Variants in LHPP observed in about 807,000 individuals in gnomAD.
LHPP encodes phospholysine phosphohistidine inorganic pyrophosphate phosphatase, also known as hLHPP.
A neutral mutation model predicts 30.3 loss-of-function variants in LHPP; 24 were observed. That is an observed-to-expected ratio of 0.79 (90% CI 0.57 to 1.11). The LOEUF (loss-of-function observed/expected upper bound fraction) is 1.11, where lower values mean the gene tolerates loss of function less well. Ranked by LOEUF, LHPP falls within the 50% of genes most tolerant of loss-of-function variation. LHPP has a pLI of 0.00. For synonymous variants in LHPP, 150 were observed against 157.1 expected (o/e 0.95, Z 0.34); for missense variants, 356 against 367.2 (o/e 0.97, Z 0.25).
intron 6 of LHPP, among the ~76,000 whole-genome samples, chr10:124,574,318 G>T (rs1306745829): frequency 6.6e-6 from 1 of 152,176 alleles, no homozygotes; most frequent in East Asian, 1.9e-4. Context: ...GCCAGCAGCA[G>T]GCTCGCCCCC....
rs1952435067 is a variant in LHPP at position 124,462,545 on chromosome 10, T to C, written c.125+558T>C. ...AGGAGGTCAAGGCTACAGTGAGCTG[T>C]GATCACCCCACTGTACTCTAGCCTG... is the stretch of plus-strand genomic sequence containing the variant. On this transcript the variant is annotated intron_variant, in intron 1 of 6. Transcript: ENST00000368842. Among the ~76,000 whole-genome samples the C allele has an allele frequency of 1.3e-5, 2 of 152,088 alleles. 1 individual carries two copies. Among genetic ancestry groups the C allele is most frequent in the South Asian group, 4.1e-4 (2 of 4,822 alleles).
rs566042585 is a variant in LHPP at position 124,590,719 on chromosome 10, C to T, written c.717-22545C>T. ...GAGACACGGTGGGCACCAGCCCCAGCGCTGCCACCTGCCTGCCTCCTCTGC... is the reference window on the plus strand; with the variant it reads ...GAGACACGGTGGGCACCAGCCCCAGTGCTGCCACCTGCCTGCCTCCTCTGC... On this transcript the variant is annotated intron_variant, in intron 6 of 6. Coordinates refer to ENST00000368842, the MANE Select transcript of LHPP (RefSeq NM_022126.4). The surrounding 1 kb of genome is among the most constrained non-coding windows in gnomAD (Gnocchi z 4.3). Among the ~76,000 whole-genome samples the T allele has an allele frequency of 3.3e-5, 5 of 152,350 alleles. No individual in the cohort carries two copies. The highest frequency in any genetic ancestry group is 6.5e-5 in the Admixed American group (1 of 15,308).
At chr10:124,542,464 T>A (rs11245274) in intron 6 of LHPP, among the ~76,000 whole-genome samples, 1 of 152,064 alleles carries the variant, frequency 6.6e-6, no homozygotes, top group Non-Finnish European at 1.5e-5. Context: ...CCAGCCTGTG[T>A]GCTCAGGTCC....
chr10:124,570,723 A>G (rs1027040035), intron 6 of LHPP, among the ~76,000 whole-genome samples: 2 of 152,162 alleles, frequency 1.3e-5, no homozygotes, highest in Non-Finnish European at 2.9e-5. Flanking sequence ...CAGACGATAC[A>G]TGGTCTTTTG....
intron 6 of LHPP, among the ~76,000 whole-genome samples, chr10:124,561,535 C>G (rs572776688): frequency 5.3e-5 from 8 of 152,122 alleles, no homozygotes; most frequent in East Asian, 1.9e-4. Context: ...CCGCCCCCCC[C>G]ACAACAGTGA....
intron 6 of LHPP, among the ~76,000 whole-genome samples, chr10:124,574,001 C>T (rs912065709): frequency 3.3e-5 from 5 of 152,148 alleles, no homozygotes; most frequent in African/African-American, 1.2e-4. Context: ...AGCCACCGTG[C>T]TGCCCCACAG....
At chr10:124,483,704 C>T (rs1319446416) in intron 1 of LHPP, among the ~76,000 whole-genome samples, 1 of 152,140 alleles carries the variant, frequency 6.6e-6, no homozygotes, top group Non-Finnish European at 1.5e-5. Context: ...TTGCAGTGAG[C>T]TGAGATCATG....
chr10:124,485,897 G>A (rs188263193), intron 2 of LHPP, among the ~76,000 whole-genome samples: 109 of 152,172 alleles, frequency 7.2e-4, no homozygotes, highest in African/African-American at 2.5e-3. Context: ...CACCGCCTCC[G>A]GTCTTACTTG....
At chr10:124,564,340 G>T (rs180900670) in intron 6 of LHPP, among the ~76,000 whole-genome samples, 1 of 152,180 alleles carries the variant, frequency 6.6e-6, no homozygotes, top group Non-Finnish European at 1.5e-5. Flanking sequence ...ACCCAAGATG[G>T]TCTCAATCTC....
intron 5 of LHPP, among the ~76,000 whole-genome samples, chr10:124,499,123 G>T (rs1953826472): frequency 6.6e-6 from 1 of 151,744 alleles, no homozygotes; most frequent in Admixed American, 6.6e-5. Context: ...CAGGTTATCT[G>T]CCCGCCTTGG....
At chr10:124,466,696 A>T (rs1464527937) in intron 1 of LHPP, among the ~76,000 whole-genome samples, 1 of 151,976 alleles carries the variant, frequency 6.6e-6, no homozygotes, top group Non-Finnish European at 1.5e-5. Flanking sequence ...ACCTCATGTG[A>T]TCTGCCCACC....
chr10:124,605,855 G>T (rs535640587), intron 6 of LHPP, among the ~76,000 whole-genome samples: 3 of 151,922 alleles, frequency 2.0e-5, no homozygotes, highest in African/African-American at 7.2e-5. Context: ...GGGGGAGGGG[G>T]AAGGGGAAGG....
At chr10:124,575,004 C>A (rs1310174149) in intron 6 of LHPP, among the ~76,000 whole-genome samples, 1 of 152,214 alleles carries the variant, frequency 6.6e-6, no homozygotes, top group East Asian at 1.9e-4. Context: ...AGTAGCCATG[C>A]AACCTCCCCC....
At position 124,537,323 on chromosome 10, in the gene LHPP, T is replaced by C. The variant is rs182023196; in HGVS notation, c.716+20052T>C. 1.0e-3 allele frequency among the ~76,000 whole-genome samples: 157 copies of C among 152,342 alleles called. 1 individual carries two copies. Among genetic ancestry groups the C allele is most frequent in the African/African-American group, 3.6e-3 (150 of 41,578 alleles). ...CGTGAGCTGTTGGGGGTGTCAGGGT[T>C]CTGCCCGTGAGATCCTCCTTGTTGC... On this transcript the variant is annotated intron_variant, in intron 6 of 6. Transcript: ENST00000368842.
chr10:124,513,402 G>A (rs953553553), intron 5 of LHPP, among the ~76,000 whole-genome samples: 1 of 149,802 alleles, frequency 6.7e-6, no homozygotes, highest in Non-Finnish European at 1.5e-5. Context: ...GAGCTGGTTG[G>A]TGGTGGTTTT....
chr10:124,522,690 C>T (rs773249756), intron 6 of LHPP, among the ~76,000 whole-genome samples: 13 of 151,038 alleles, frequency 8.6e-5, no homozygotes, highest in Non-Finnish European at 1.3e-4. Context: ...TGTTTGGATG[C>T]GAGGCCCAGT....
At chr10:124,605,308 C>G (rs1200784980) in intron 6 of LHPP, 2 of 147,860 alleles carry the variant, frequency 1.4e-5, no homozygotes, top group Non-Finnish European at 3.0e-5. Flanking sequence ...GGTGCCTGCT[C>G]TGGGTCAGGC....
chr10:124,480,855 T>A (rs751597661), intron 1 of LHPP, among the ~76,000 whole-genome samples: 6 of 152,220 alleles, frequency 3.9e-5, no homozygotes, highest in Non-Finnish European at 7.3e-5. Flanking sequence ...TCTACAGATT[T>A]CTTCCTAAAT....
At chr10:124,466,086 C>T (rs1952545565) in intron 1 of LHPP, among the ~76,000 whole-genome samples, 3 of 152,150 alleles carry the variant, frequency 2.0e-5, no homozygotes, top group Admixed American at 2.0e-4. Context: ...CAAGGTCATT[C>T]CTGGCAATGC....
Sources: allele counts gnomAD v4.1 joint callset (sites outside exome capture counted in the v4.1 genomes callset), GRCh38; gene constraint gnomAD v4.1.1; non-coding constraint Gnocchi (gnomAD v3.1); transcripts MANE v1.5; gene names NCBI Gene and HGNC (gene_info 2026-07-23, HGNC 2026-07-21).